Variants in KLHL12 observed in about 807,000 individuals in gnomAD.
KLHL12 encodes the protein kelch like family member 12.
KLHL12 carries 17 observed loss-of-function variants against 60.8 expected under a neutral mutation model. That is an observed-to-expected ratio of 0.28 (90% confidence interval 0.19 to 0.42). KLHL12 has a LOEUF of 0.42. KLHL12 is among the 10% of genes least tolerant of loss of function. The probability of loss-of-function intolerance (pLI) is 1.00; values close to 1 mark genes in which losing one functional copy is unlikely to be tolerated. For synonymous variants in KLHL12, 220 were observed against 250.9 expected (o/e 0.88, Z 1.16); for missense variants, 468 against 722.3 (o/e 0.65, Z 4.04).
rs1306080550 is a variant in KLHL12, at chr1:202,927,205, G to C, written c.-162C>G. 1.0e-6 allele frequency: 1 copy of C among 985,104 alleles called. No homozygotes were observed. Among genetic ancestry groups the C allele is most frequent in the South Asian group, 4.7e-5 (1 of 21,282 alleles). 61.0% of individuals were successfully genotyped at this position (985,104 alleles called of 1,614,324 possible). On this transcript the variant is annotated 5_prime_UTR_variant, in exon 1 of 12. Coordinates refer to ENST00000367261, the MANE Select transcript of KLHL12 (RefSeq NM_021633.4). Reference sequence around the variant, plus strand: ...GCCGAAGCGCCGCCCAGACCCGGAGGCTCTGGAGGCTCTGGAGCCGTCCGG... The same window carrying C: ...GCCGAAGCGCCGCCCAGACCCGGAGCCTCTGGAGGCTCTGGAGCCGTCCGG...
At chr1:202,894,496 G>A in intron 9 of KLHL12, 95 bp downstream of exon 9, 3 of 1,256,676 alleles carry the variant, frequency 2.4e-6, no homozygotes, top group Non-Finnish European at 3.5e-6. Flanking sequence ...TAGTTGAAGG[G>A]AAGTCTATGA....
rs762514226 is a variant in KLHL12 at position 202,893,223 on chromosome 1, G to A, written c.1580+16C>T. ...CTGGCTACATATTGAGTCTGGATTC[G>A]TTTCTAAATCCTCACCCTGCAATTG... On this transcript the variant is annotated intron_variant, in intron 11 of 11. Transcript: ENST00000367261. The surrounding 1 kb of genome is among the most constrained non-coding windows in gnomAD (Gnocchi z 4.1). The A allele has an allele frequency of 5.7e-6, 9 of 1,576,030 alleles. No individual in the cohort carries two copies. Among genetic ancestry groups the A allele is most frequent in the Middle Eastern group, 2.3e-4 (1 of 4,282 alleles).
chr1:202,925,922 T>C (rs543428980), intron 1 of KLHL12, among the ~76,000 whole-genome samples: 2 of 151,912 alleles, frequency 1.3e-5, no homozygotes, highest in African/African-American at 4.8e-5. Flanking sequence ...CTGGCCAACA[T>C]GGTGAAACCT....
intron 2 of KLHL12, among the ~76,000 whole-genome samples, chr1:202,923,439 A>G (rs1252916456): frequency 6.6e-6 from 1 of 152,234 alleles, no homozygotes; most frequent in African/African-American, 2.4e-5. Flanking sequence ...AGCCTGAATT[A>G]GTTGGAATGA....
intron 1 of KLHL12, 37 bp downstream of exon 1, chr1:202,927,052 G>A: frequency 2.0e-6 from 2 of 985,122 alleles, no homozygotes; most frequent in Non-Finnish European, 2.4e-6. Flanking sequence ...CGGACAGGAA[G>A]GGAAGGGCTG....
chr1:202,920,671 C>T (rs993671209), intron 2 of KLHL12, among the ~76,000 whole-genome samples: 11 of 151,978 alleles, frequency 7.2e-5, no homozygotes, highest in African/African-American at 2.7e-4. Flanking sequence ...CCACCGCGCC[C>T]GGCCAATTTT....
chr1:202,926,941 G>A (rs768780357), intron 1 of KLHL12, 148 bp downstream of exon 1: 25 of 506,648 alleles, frequency 4.9e-5, no homozygotes, highest in Non-Finnish European at 6.4e-5. Context: ...GAGGCCAGAT[G>A]CCCCACCCCA....
intron 6 of KLHL12, among the ~76,000 whole-genome samples, chr1:202,903,624 C>CTTTTTTTTT (rs1660086940): frequency 8.2e-5 from 2 of 24,494 alleles, no homozygotes; most frequent in East Asian, 2.0e-3. Flanking sequence ...TAATTTTTTT[C>CTTTTTTTTT]TTTTCTTTTT....
chr1:202,911,236 A>G, intron 4 of KLHL12, 33 bp from the exon 5 acceptor site: 1 of 1,609,852 alleles, frequency 6.2e-7, no homozygotes, highest in Non-Finnish European at 8.5e-7. Flanking sequence ...CGTGGATCCT[A>G]CTTTTCCAAT....
chr1:202,894,146 G>A, intron 10 of KLHL12, 38 bp downstream of exon 10: 1 of 1,181,680 alleles, frequency 8.5e-7, no homozygotes, highest in South Asian at 1.3e-5. Flanking sequence ...AGGTCTGACA[G>A]CATCGCCTAT....
In KLHL12 at chr1:202,895,952, G is replaced by A. The variant is rs1466993679; in HGVS notation, c.940-235C>T. ...TTCTGCATCTCTGCCTCTTTCCAAG[G>A]CTTCCAAAAGATTTAACAGCTTTCT... is the stretch of plus-strand genomic sequence containing the variant. On this transcript the variant is annotated intron_variant, in intron 7 of 11. Transcript: ENST00000367261. This position sits in a 1 kb window ranked among gnomAD's most constrained non-coding sequence, Gnocchi z 4.2. Among the ~76,000 whole-genome samples the A allele has an allele frequency of 6.6e-6, 1 of 152,096 alleles. No homozygotes were observed. The highest frequency in any genetic ancestry group is 1.5e-5 in the Non-Finnish European group (1 of 68,026).
chr1:202,895,279 G>A lies in KLHL12; in HGVS notation c.1135+243C>T, dbSNP rs540531628. 6.6e-6 allele frequency among the ~76,000 whole-genome samples: 1 copy of A among 152,224 alleles called. No homozygotes were observed. The highest frequency in any genetic ancestry group is 1.5e-5 in the Non-Finnish European group (1 of 68,012). ...ATGGTGGTGCATGCCTGTAGTCCCA[G>A]CTACTCAGGAAGCTGAGGTGGGAGG... is the stretch of plus-strand genomic sequence containing the variant. On this transcript the variant is annotated intron_variant, in intron 8 of 11. Transcript: ENST00000367261. The surrounding 1 kb of genome is among the most constrained non-coding windows in gnomAD (Gnocchi z 4.2).
At chr1:202,912,921 T>C (rs2102439454) in intron 4 of KLHL12, among the ~76,000 whole-genome samples, 1 of 152,154 alleles carries the variant, frequency 6.6e-6, no homozygotes, top group African/African-American at 2.4e-5. Context: ...ACTAATTGTG[T>C]AACAGGTTAT....
At chr1:202,898,685 G>T (rs1200401694) in intron 6 of KLHL12, among the ~76,000 whole-genome samples, 2 of 152,080 alleles carry the variant, frequency 1.3e-5, no homozygotes, top group African/African-American at 4.8e-5. Flanking sequence ...AATTCTACAG[G>T]TCGAACAGCT....
At position 202,909,320 on chromosome 1, in the gene KLHL12, A is replaced by G. The variant is rs1660286927; in HGVS notation, c.718-196T>C. ...TTTTTAAAATTTACTTGAAAAATAG[A>G]TAACATACTAGATGGATCAAAAATC... On this transcript the variant is annotated intron_variant, in intron 5 of 11. Transcript: ENST00000367261. The surrounding 1 kb of genome is among the most constrained non-coding windows in gnomAD (Gnocchi z 4.1). Among the ~76,000 whole-genome samples, 4 of 151,188 alleles carry G rather than the reference A, an allele frequency of 2.6e-5. No homozygotes were observed. Among genetic ancestry groups the G allele is most frequent in the South Asian group, 2.1e-4 (1 of 4,732 alleles).
chr1:202,923,943 A>G (rs1653367578), intron 2 of KLHL12, among the ~76,000 whole-genome samples: 1 of 152,222 alleles, frequency 6.6e-6, no homozygotes, highest in Non-Finnish European at 1.5e-5. Context: ...TATTTCAGGC[A>G]TACATGTAAG....
intron 6 of KLHL12, among the ~76,000 whole-genome samples, chr1:202,899,379 A>AT (rs894283037): frequency 9.2e-5 from 14 of 152,134 alleles, no homozygotes; most frequent in African/African-American, 3.4e-4. Flanking sequence ...TTATATTACT[A>AT]TTTTTATGTT....
At chr1:202,914,194 G>A (rs1390358056) in intron 4 of KLHL12, among the ~76,000 whole-genome samples, 3 of 152,210 alleles carry the variant, frequency 2.0e-5, no homozygotes, top group South Asian at 4.1e-4. Flanking sequence ...CTAGTGATAT[G>A]ATCATATTGA....
intron 6 of KLHL12, among the ~76,000 whole-genome samples, chr1:202,898,640 T>C (rs1473532622): frequency 6.6e-6 from 1 of 152,080 alleles, no homozygotes; most frequent in East Asian, 1.9e-4. Context: ...TAAATGACAC[T>C]ACAAAGATGC....
Sources: allele counts gnomAD v4.1 joint callset (sites outside exome capture counted in the v4.1 genomes callset), GRCh38; gene constraint gnomAD v4.1.1; non-coding constraint Gnocchi (gnomAD v3.1); transcripts MANE v1.5; gene names NCBI Gene and HGNC (gene_info 2026-07-23, HGNC 2026-07-21).